The following NR2C1 variants were observed in gnomAD, a reference collection of about 807,000 sequenced individuals.
NR2C1 encodes TR2 nuclear hormone receptor.
A neutral mutation model predicts 74.8 loss-of-function variants in NR2C1; 33 were observed. The observed-to-expected ratio is 0.44, with a 90% confidence interval of 0.33 to 0.59. The LOEUF (loss-of-function observed/expected upper bound fraction) is 0.59, where lower values mean the gene tolerates loss of function less well. NR2C1 is among the 20% of genes least tolerant of loss of function. NR2C1 has a pLI of 0.02. For missense variants in NR2C1, 568 were observed against 715.6 expected (o/e 0.79, Z 2.35); for synonymous variants, 225 against 240.6 (o/e 0.94, Z 0.60).
At chr12:95,070,206 A>T (rs552776227) in intron 1 of NR2C1, among the ~76,000 whole-genome samples, 71 of 152,208 alleles carry the variant, frequency 4.7e-4, no homozygotes, top group African/African-American at 1.7e-3. Flanking sequence ...ATCTCGGCTC[A>T]CTACAACCTC....
Position 95,022,224 on chromosome 12 carries a change from A to C in NR2C1, c.*5T>G, listed in dbSNP as rs2136084016. 3 of 1,605,416 alleles carry C rather than the reference A, an allele frequency of 1.9e-6. No homozygotes were observed. Among genetic ancestry groups the C allele is most frequent in the Non-Finnish European group, 2.5e-6 (3 of 1,177,454 alleles). ...GTTAAGTTTACAGCACTGCAGTCAC[A>C]GTTTTCAAATGCTGTGACCAATTAT... On this transcript the variant is annotated 3_prime_UTR_variant, in exon 14 of 14. Coordinates refer to ENST00000333003, the MANE Select transcript of NR2C1 (RefSeq NM_003297.4).
At chr12:95,072,578 C>T (rs1483401688) in intron 1 of NR2C1, 2 of 151,898 alleles carry the variant, frequency 1.3e-5, no homozygotes, top group Non-Finnish European at 2.9e-5. Context: ...CCCTAAAGGC[C>T]GTAATTTTAG....
chr12:95,030,755 T>C (rs1335414164), intron 11 of NR2C1: 2 of 1,609,050 alleles, frequency 1.2e-6, no homozygotes, highest in African/African-American at 2.7e-5. Context: ...AAGGCAATTT[T>C]CCCCATTTGT....
chr12:95,025,876 C>G (rs932788442), intron 12 of NR2C1, among the ~76,000 whole-genome samples: 14 of 151,428 alleles, frequency 9.2e-5, no homozygotes, highest in Non-Finnish European at 1.5e-5. Flanking sequence ...ATAACTTTGC[C>G]TTTAATAGGA....
intron 7 of NR2C1, among the ~76,000 whole-genome samples, chr12:95,056,057 A>G (rs1873811552): frequency 1.3e-5 from 2 of 151,578 alleles, no homozygotes; most frequent in African/African-American, 4.8e-5. Flanking sequence ...ACTTGAGCCC[A>G]GGAGTTCGAG....
intron 10 of NR2C1, among the ~76,000 whole-genome samples, chr12:95,039,623 A>C (rs1233951670): frequency 6.6e-6 from 1 of 152,222 alleles, no homozygotes; most frequent in Non-Finnish European, 1.5e-5. Context: ...TCTTCAGAAC[A>C]GAATGTAGAT....
chr12:95,025,475 A>C (rs1229630327), intron 12 of NR2C1: 1 of 300,872 alleles, frequency 3.3e-6, no homozygotes, highest in African/African-American at 2.2e-5. Context: ...CCTGACCAAC[A>C]TGGAGAAGCC....
In NR2C1 at chr12:95,049,228, A is replaced by G. The variant is rs1294261782; in HGVS notation, c.971T>C (p.Phe324Ser). The G allele has an allele frequency of 6.2e-7, 1 of 1,613,760 alleles. No individual in the cohort carries two copies. The highest frequency in any genetic ancestry group is 8.5e-7 in the Non-Finnish European group (1 of 1,179,866). Residue 324 changes from phenylalanine to serine, a missense_variant, in exon 9 of 14, where the codon TTT becomes TCT. Phe to Ser is a radical substitution (Grantham distance 155). This residue lies in a region of NR2C1 where 239 missense variants were observed against 232.3 expected (regional missense o/e 1.03). Coordinates refer to ENST00000333003, the MANE Select transcript of NR2C1 (RefSeq NM_003297.4). ...MQTNGDVSRA[F>S]DTLAKALNPG... Reference sequence around the variant, plus strand: ...ATTCAATGCTTTTGCAAGAGTGTCAAATGCCCTGTATGAAGACATCAGAAG... The same window carrying G: ...ATTCAATGCTTTTGCAAGAGTGTCAGATGCCCTGTATGAAGACATCAGAAG...
At chr12:95,050,494 A>G (rs988881497) in intron 8 of NR2C1, among the ~76,000 whole-genome samples, 2 of 152,050 alleles carry the variant, frequency 1.3e-5, no homozygotes, top group African/African-American at 4.8e-5. Context: ...TTTTTAGTAG[A>G]GATGGGGTTT....
chr12:95,030,562 G>A (rs1023623362), intron 11 of NR2C1: 2 of 1,612,940 alleles, frequency 1.2e-6, no homozygotes, highest in East Asian at 4.5e-5. Flanking sequence ...CCATAAGTAA[G>A]ATGGGAATGT....
chr12:95,058,674 GT>G (rs1483468731), intron 4 of NR2C1, among the ~76,000 whole-genome samples, 185 bp from the exon 5 acceptor site: 3 of 152,186 alleles, frequency 2.0e-5, no homozygotes, highest in African/African-American at 7.2e-5. Context: ...ATCTCGCTCT[GT>G]GGCCCAGGCT....
In NR2C1 at chr12:95,057,786, G is replaced by A. The variant is rs1174922561; in HGVS notation, c.637C>T (p.Leu213Phe). The A allele has an allele frequency of 6.2e-7, 1 of 1,614,114 alleles. No homozygotes were observed. The highest frequency in any genetic ancestry group is 1.1e-5 in the South Asian group (1 of 91,078). ...GGAGTTGCAGTTAATGGGCTACGAA[G>A]GTCCTTTCGGATATAGATTTTTTCT... ...STEKIYIRKD[L>F]RSPLTATPTF... Residue 213 changes from leucine (L) to phenylalanine (F), a missense_variant, in exon 6 of 14, where the codon CTT becomes TTT. By Grantham distance (22) the Leu-to-Phe change is conservative (BLOSUM62 0). Coordinates refer to ENST00000333003, the MANE Select transcript of NR2C1 (RefSeq NM_003297.4).
intron 11 of NR2C1, 127 bp from the exon 12 acceptor site, chr12:95,028,651 T>A: frequency 1.5e-6 from 1 of 678,426 alleles, no homozygotes; most frequent in Non-Finnish European, 2.5e-6. Context: ...TGAGACAGGG[T>A]TTTACTCCTG....
intron 2 of NR2C1, among the ~76,000 whole-genome samples, chr12:95,066,385 AC>A (rs1400749351): frequency 6.6e-6 from 1 of 152,216 alleles, no homozygotes; most frequent in Non-Finnish European, 1.5e-5. Context: ...AAAAATGGCC[AC>A]AAAAAATCAG....
At chr12:95,046,629 G>T (rs1201517211) in intron 9 of NR2C1, among the ~76,000 whole-genome samples, 1 of 152,174 alleles carries the variant, frequency 6.6e-6, no homozygotes, top group Non-Finnish European at 1.5e-5. Context: ...AGCTTATGTG[G>T]TGAGGCCCAA....
At chr12:95,067,138 C>A (rs531319579) in intron 2 of NR2C1, 193 bp downstream of exon 2, 2 of 606,750 alleles carry the variant, frequency 3.3e-6, no homozygotes, top group Admixed American at 3.3e-5. Flanking sequence ...GCACCTGATA[C>A]AATGACCTGT....
chr12:95,023,794 T>C (rs184910089), intron 13 of NR2C1, among the ~76,000 whole-genome samples: 2 of 152,354 alleles, frequency 1.3e-5, no homozygotes, highest in Admixed American at 1.3e-4. Context: ...CTGAGAAAGC[T>C]GCAGTCACAA....
chr12:95,057,939 A>T, intron 5 of NR2C1, 61 bp from the exon 6 acceptor site: 2 of 1,439,488 alleles, frequency 1.4e-6, no homozygotes, highest in Non-Finnish European at 1.9e-6. Context: ...TTAGAAATGT[A>T]AGCTGTAGGT....
chr12:95,029,913 A>G (rs1027086635), intron 11 of NR2C1, among the ~76,000 whole-genome samples: 8 of 152,054 alleles, frequency 5.3e-5, no homozygotes, highest in African/African-American at 1.7e-4. Flanking sequence ...CTGTTGTCCA[A>G]GCTAGGGTGT....
Sources: allele counts gnomAD v4.1 joint callset (sites outside exome capture counted in the v4.1 genomes callset), GRCh38; gene constraint gnomAD v4.1.1; regional missense constraint gnomAD v4.1.1; transcripts MANE v1.5; gene names NCBI Gene and HGNC (gene_info 2026-07-23, HGNC 2026-07-21).